The following TNFRSF10D variants were observed in gnomAD, a reference collection of about 807,000 sequenced individuals.
The protein encoded by TNFRSF10D is TNF receptor superfamily member 10d, also known as tumor necrosis factor receptor superfamily member 10D.
A neutral mutation model predicts 42.1 loss-of-function variants in TNFRSF10D; 28 were observed. The observed-to-expected ratio is 0.66, with a 90% CI of 0.49 to 0.91. TNFRSF10D has a LOEUF of 0.91. Ranked by LOEUF, TNFRSF10D falls within the 40% of genes least tolerant of loss-of-function variation. The pLI is 0.00. For synonymous variants in TNFRSF10D, 186 were observed against 189.4 expected, an observed-to-expected ratio of 0.98 and a Z score of 0.15; for missense variants, 503 against 486.1, an observed-to-expected ratio of 1.03 and a Z score of -0.33.
Position 23,144,498 on chromosome 8 carries a change from C to G in TNFRSF10D, c.906G>C (p.Glu302Asp). 1 of 1,614,214 alleles carries G rather than the reference C, an allele frequency of 6.2e-7. No homozygotes were observed. ...EQEIQGQELA[E>D]LTGVTVELPE... The stretch of plus-strand genomic sequence containing the variant: ...GCAACTCTACAGTCACACCTGTTAG[C>G]TCTGCCAGCTCCTGACCTTGGATTT... The change falls in exon 7 of 9, where the codon GAG becomes GAC. Residue 302 changes from glutamate (E) to aspartate (D), a missense_variant. Transcript: ENST00000312584.
chr8:23,156,022 T>C (rs1800275369), intron 1 of TNFRSF10D, among the ~76,000 whole-genome samples: 1 of 152,140 alleles, frequency 6.6e-6, no homozygotes, highest in South Asian at 2.1e-4. Flanking sequence ...AATTCAGGGA[T>C]TATGGCCATG....
At position 23,137,825 on chromosome 8, in the gene TNFRSF10D, A is replaced by C. The variant is rs1203770533; in HGVS notation, c.*45T>G. On this transcript the variant is annotated 3_prime_UTR_variant, in exon 9 of 9. Coordinates refer to ENST00000312584, the MANE Select transcript of TNFRSF10D (RefSeq NM_003840.5). ...CTTCCAGGCTGCTTCCCTTTGTAGG[A>C]GAAAAGGTAAATGAGGGAAGCTCTG... is the stretch of plus-strand genomic sequence containing the variant. The C allele has an allele frequency of 1.1e-5, 18 of 1,585,492 alleles. No homozygotes were observed. Among genetic ancestry groups the C allele is most frequent in the Admixed American group, 1.8e-5 (1 of 55,192 alleles).
chr8:23,146,606 C>T (rs1427999834), intron 4 of TNFRSF10D, among the ~76,000 whole-genome samples: 1 of 152,132 alleles, frequency 6.6e-6, no homozygotes, highest in African/African-American at 2.4e-5. Context: ...AGGAAAAATA[C>T]AAGCCAGGCT....
Position 23,145,867 on chromosome 8 carries a change from C to G in TNFRSF10D, c.537G>C (p.Lys179Asn), listed in dbSNP as rs148606999. 2,067 of 1,612,760 alleles carry G rather than the reference C, an allele frequency of 1.3e-3. No individual in the cohort carries two copies. The African/African-American group carries it at 0.015, about 12-fold the overall frequency. The change falls in exon 5 of 9, where the codon AAG (lysine) becomes AAC (asparagine). Residue 179 changes from lysine (K) to asparagine (N), a missense_variant. Transcript: ENST00000312584. The part of the protein sequence containing the change: ...VSNCTPRSDI[K>N]CKNESAASST... ...AACTGGCAGCTGATTCATTTTTGCA[C>G]TTGATGTCACTCCGGGGCGTACAAT...
In TNFRSF10D at chr8:23,163,996, T is replaced by C. The variant is rs1173222288; in HGVS notation, c.-61A>G. ...TCAATCAGAAATCGTCCCCGTAGTTTGTGCGCGTGCAAAGGTTCTCGCAGC... is the reference window on the plus strand; with the variant it reads ...TCAATCAGAAATCGTCCCCGTAGTTCGTGCGCGTGCAAAGGTTCTCGCAGC... On this transcript the variant is annotated 5_prime_UTR_variant, in exon 1 of 9. Transcript: ENST00000312584. The C allele has an allele frequency of 3.8e-4, 562 of 1,491,846 alleles. No individual in the cohort carries two copies. In the African/African-American group the frequency reaches 6.6e-3, roughly 18 times the overall value. 92.4% of individuals were successfully genotyped at this position (1,491,846 alleles called of 1,614,324 possible).
Position 23,148,254 on chromosome 8 carries a change from T to A in TNFRSF10D, c.370+184A>T, listed in dbSNP as rs528454296. ...AACTGTCTTCAAAAAAATAAATAAA[T>A]AAAAGAAAAGAAAAAAAAGATTTCT... On this transcript the variant is annotated intron_variant, in intron 3 of 8. Coordinates refer to ENST00000312584, the MANE Select transcript of TNFRSF10D (RefSeq NM_003840.5). Among the ~76,000 whole-genome samples, 4 of 147,914 alleles carry A rather than the reference T, an allele frequency of 2.7e-5. No individual in the cohort carries two copies. The East Asian group carries it at 6.0e-4, about 22-fold the overall frequency.
At chr8:23,153,471 G>T (rs949011245) in intron 2 of TNFRSF10D, among the ~76,000 whole-genome samples, 2 of 152,106 alleles carry the variant, frequency 1.3e-5, no homozygotes, top group African/African-American at 4.8e-5. Flanking sequence ...AAAGATCCAA[G>T]ATTTTGGTTA....
rs1156915695 is a variant in TNFRSF10D at position 23,136,016 on chromosome 8, TAA to T, written c.*1852_*1853del. The T allele has an allele frequency of 7.1e-6, 3 of 425,242 alleles. No individual in the cohort carries two copies. The highest frequency in any genetic ancestry group is 1.4e-4 in the East Asian group (2 of 14,198). 26.3% of individuals were successfully genotyped at this position (425,242 alleles called of 1,614,324 possible). On this transcript the variant is annotated 3_prime_UTR_variant, in exon 9 of 9. Coordinates refer to ENST00000312584, the MANE Select transcript of TNFRSF10D (RefSeq NM_003840.5). ...GAAGACCGGAAAGGCCATCCCCTCCTAAAACTCCATGGACACAACAATCTGAA... is the reference window on the plus strand; with the variant it reads ...GAAGACCGGAAAGGCCATCCCCTCCTAACTCCATGGACACAACAATCTGAA...
At chr8:23,149,797 C>A (rs576539167) in intron 2 of TNFRSF10D, among the ~76,000 whole-genome samples, 1 of 152,088 alleles carries the variant, frequency 6.6e-6, no homozygotes, top group Non-Finnish European at 1.5e-5. Flanking sequence ...AATCACCATC[C>A]CCGAGAGGCC....
Position 23,148,500 on chromosome 8 carries a change from A to C in TNFRSF10D, c.308T>G (p.Val103Gly). Reference sequence around the variant, plus strand: ...ATTGTTGGAAGCAATGGTGTAATCCACACCCTCTGTGCACGGGTTACAGGC... The same window carrying C: ...ATTGTTGGAAGCAATGGTGTAATCCCCACCCTCTGTGCACGGGTTACAGGC... Reference protein sequence around the residue: ...TGACNPCTEGVDYTIASNNLP... With the variant: ...TGACNPCTEGGDYTIASNNLP... Residue 103 changes from valine to glycine, a missense_variant, in exon 3 of 9, where the codon GTG (valine) becomes GGG (glycine). By Grantham distance (109) the Val-to-Gly change is moderately radical. Coordinates refer to ENST00000312584, the MANE Select transcript of TNFRSF10D (RefSeq NM_003840.5). The C allele has an allele frequency of 6.2e-7, 1 of 1,611,314 alleles. No individual in the cohort carries two copies. Among genetic ancestry groups the C allele is most frequent in the South Asian group, 1.1e-5 (1 of 90,996 alleles).
chr8:23,148,618 C>A lies in TNFRSF10D; in HGVS notation c.257-67G>T, dbSNP rs1585261280. ...ATTCCCAGAGGCTGACAATGGCTGG[C>A]AAATTTCTCTTTTGGCCCTCAGTGG... On this transcript the variant is annotated intron_variant, in intron 2 of 8. Coordinates refer to ENST00000312584, the MANE Select transcript of TNFRSF10D (RefSeq NM_003840.5). 1.5e-5 allele frequency: 19 copies of A among 1,253,638 alleles called. No homozygotes were observed. In the East Asian group the frequency reaches 3.2e-4, roughly 21 times the overall value. 77.7% of individuals were successfully genotyped at this position (1,253,638 alleles called of 1,614,324 possible).
intron 1 of TNFRSF10D, among the ~76,000 whole-genome samples, chr8:23,158,026 T>C (rs1800305113): frequency 6.6e-6 from 1 of 152,194 alleles, no homozygotes; most frequent in South Asian, 2.1e-4. Context: ...TAAGGCAAGA[T>C]CCTGGAAGTA....
chr8:23,136,373 C>G lies in TNFRSF10D; in HGVS notation c.*1497G>C. On this transcript the variant is annotated 3_prime_UTR_variant, in exon 9 of 9. Transcript: ENST00000312584. ...GCTCCTCAAACAGGGAATCTGTACC[C>G]TAAAACGCAGCTCAGGAATCTCTGC... is the stretch of plus-strand genomic sequence containing the variant. 5.2e-6 allele frequency: 1 copy of G among 191,508 alleles called. No individual in the cohort carries two copies. Among genetic ancestry groups the G allele is most frequent in the South Asian group, 9.0e-5 (1 of 11,164 alleles). 11.9% of individuals were successfully genotyped at this position (191,508 alleles called of 1,614,324 possible).
In TNFRSF10D at chr8:23,137,750, AT is replaced by A. The variant is rs1657957699; in HGVS notation, c.*119del. ...TCTAGGACCATTGGTAAGCTGCCCC[AT>A]ATTGGATAGTAGAGTTTGTTGGGGC... is the stretch of plus-strand genomic sequence containing the variant. On this transcript the variant is annotated 3_prime_UTR_variant, in exon 9 of 9. Coordinates refer to ENST00000312584, the MANE Select transcript of TNFRSF10D (RefSeq NM_003840.5). 1 of 1,344,766 alleles carries A rather than the reference AT, an allele frequency of 7.4e-7. No homozygotes were observed. Among genetic ancestry groups the A allele is most frequent in the African/African-American group, 1.5e-5 (1 of 68,414 alleles). 83.3% of individuals were successfully genotyped at this position (1,344,766 alleles called of 1,614,324 possible).
intron 8 of TNFRSF10D, 88 bp downstream of exon 8, chr8:23,138,100 A>G: frequency 6.2e-7 from 1 of 1,609,670 alleles, no homozygotes; most frequent in Admixed American, 1.7e-5. Context: ...AAACCTCCAG[A>G]AGAGCCCTCT....
intron 7 of TNFRSF10D, among the ~76,000 whole-genome samples, chr8:23,139,588 A>G (rs550095930): frequency 6.6e-6 from 1 of 152,314 alleles, no homozygotes; most frequent in South Asian, 2.1e-4. Flanking sequence ...TGAATGGGCC[A>G]AAGCTGGAAG....
intron 1 of TNFRSF10D, among the ~76,000 whole-genome samples, chr8:23,158,808 TG>T (rs1800318629): frequency 1.3e-5 from 2 of 152,214 alleles, no homozygotes; most frequent in Admixed American, 6.5e-5. Flanking sequence ...AGATTTATTG[TG>T]GTATAATGGA....
intron 2 of TNFRSF10D, among the ~76,000 whole-genome samples, chr8:23,151,431 C>T (rs1352900919): frequency 1.3e-5 from 2 of 151,516 alleles, no homozygotes; most frequent in African/African-American, 4.8e-5. Flanking sequence ...TCTGAAAGAA[C>T]AGAACACTAA....
At chr8:23,140,237 T>A (rs1018782307) in intron 7 of TNFRSF10D, among the ~76,000 whole-genome samples, 1 of 151,502 alleles carries the variant, frequency 6.6e-6, no homozygotes, top group African/African-American at 2.4e-5. Flanking sequence ...TGCAGTGAGC[T>A]GAGATCGCGC....
Sources: gnomAD v4.1 joint callset for allele counts (sites outside exome capture counted in the v4.1 genomes callset) on GRCh38, gnomAD v4.1.1 for gene constraint, MANE v1.5 for transcripts, NCBI Gene and HGNC (gene_info 2026-07-23, HGNC 2026-07-21) for gene names.